Variants in TRAP1 observed in about 807,000 individuals in gnomAD.
TRAP1 encodes the protein TNF receptor associated protein 1.
Under a neutral mutation model 89.1 loss-of-function variants are expected in TRAP1, and 102 were observed. The ratio of observed to expected loss-of-function variants is 1.15; its 90% CI spans 0.98 to 1.35. TRAP1 has a LOEUF of 1.35. Among genes scored for constraint, TRAP1 ranks in the 40% most tolerant of loss-of-function variants. TRAP1 has a pLI of 0.00. For missense variants in TRAP1, 1,256 were observed against 945.3 expected (o/e 1.33, Z -4.31); for synonymous variants, 508 against 388.0 (o/e 1.31, Z -3.64).
chr16:3,708,808 T>C (rs1036523215), intron 1 of TRAP1, among the ~76,000 whole-genome samples: 3 of 146,816 alleles, frequency 2.0e-5, no homozygotes, highest in African/African-American at 7.5e-5. Flanking sequence ...AGAGTCAGAC[T>C]CTGTCTCAAT....
intron 8 of TRAP1, chr16:3,674,994 G>A (rs1167534240): frequency 5.6e-6 from 2 of 356,502 alleles, no homozygotes; most frequent in East Asian, 5.8e-5. Flanking sequence ...TTTTTGGGGT[G>A]ATGGGATGTT....
chr16:3,661,736 A>G, intron 16 of TRAP1: 2 of 410,076 alleles, frequency 4.9e-6, no homozygotes, highest in African/African-American at 4.1e-5. Flanking sequence ...CAAAGCCATA[A>G]AGCAAAACGA....
chr16:3,677,762 A>C, intron 5 of TRAP1, 104 bp from the exon 6 acceptor site: 1 of 1,346,642 alleles, frequency 7.4e-7, no homozygotes, highest in Non-Finnish European at 1.0e-6. Flanking sequence ...CTTCATCCTG[A>C]AAACAGCCAC....
intron 3 of TRAP1, 134 bp downstream of exon 3, chr16:3,688,921 A>G: frequency 1.4e-6 from 1 of 709,586 alleles, no homozygotes; most frequent in Non-Finnish European, 2.2e-6. Context: ...TGGTAGCTTA[A>G]GATGAGGACC....
intron 11 of TRAP1, among the ~76,000 whole-genome samples, chr16:3,666,859 T>A (rs1442815242): frequency 6.6e-6 from 1 of 152,240 alleles, no homozygotes; most frequent in Non-Finnish European, 1.5e-5. Flanking sequence ...GGCCTAAAAT[T>A]AGGAACAACT....
intron 11 of TRAP1, among the ~76,000 whole-genome samples, chr16:3,671,059 G>A (rs1440301116): frequency 6.6e-6 from 1 of 152,128 alleles, no homozygotes; most frequent in East Asian, 1.9e-4. Context: ...CTGCAGGCAC[G>A]TTGGGGGCTC....
chr16:3,663,532 G>A lies in TRAP1; in HGVS notation c.1600C>T (p.Leu534Phe). 1 of 1,614,110 alleles carries A rather than the reference G, an allele frequency of 6.2e-7. No homozygotes were observed. Among genetic ancestry groups the A allele is most frequent in the South Asian group, 1.1e-5 (1 of 91,084 alleles). Residue 534 changes from leucine to phenylalanine, a missense_variant, in exon 14 of 18, where the codon CTC becomes TTC. Transcript: ENST00000246957. ...AACTCACGAAGGTGCAGCAGGGTGA[G>A]CTCATCAAACTGCTCAAAGCAGAAG... ...VLFCFEQFDE[L>F]TLLHLREFDK...
At chr16:3,679,819 G>A (rs1454503574) in intron 4 of TRAP1, 29 bp from the exon 5 acceptor site, 18 of 1,612,350 alleles carry the variant, frequency 1.1e-5, no homozygotes, top group Non-Finnish European at 1.5e-5. Flanking sequence ...TAAGTGCCAA[G>A]CCCCCAGCAC....
intron 4 of TRAP1, among the ~76,000 whole-genome samples, chr16:3,680,581 G>A (rs2051062026): frequency 6.6e-6 from 1 of 152,246 alleles, no homozygotes; most frequent in African/African-American, 2.4e-5. Context: ...GGGCACAGAC[G>A]CCTCTCCTGC....
At position 3,664,369 on chromosome 16, in the gene TRAP1, C is replaced by A. The variant is rs777291656; in HGVS notation, c.1474G>T (p.Ala492Ser). The A allele has an allele frequency of 6.2e-7, 1 of 1,612,936 alleles. No individual in the cohort carries two copies. Among genetic ancestry groups the A allele is most frequent in the Admixed American group, 1.7e-5 (1 of 59,830 alleles). ...AGGTAGTAGATGTTGCGGGTGCCGG[C>A]CCGCATGCGGCTGGCGTATTCTGAG... ...SLSEYASRMR[A>S]GTRNIYYLCA... Residue 492 changes from alanine to serine, a missense_variant, in exon 13 of 18, where the codon GCC becomes TCC. Coordinates refer to ENST00000246957, the MANE Select transcript of TRAP1 (RefSeq NM_016292.3).
At chr16:3,680,351 A>C (rs2051058804) in intron 4 of TRAP1, among the ~76,000 whole-genome samples, 1 of 152,238 alleles carries the variant, frequency 6.6e-6, no homozygotes, top group South Asian at 2.1e-4. Context: ...CCATTCCGAA[A>C]AGAAAATATT....
intron 1 of TRAP1, among the ~76,000 whole-genome samples, chr16:3,692,484 C>A (rs2051227633): frequency 6.7e-6 from 1 of 148,494 alleles, no homozygotes; most frequent in African/African-American, 2.5e-5. Flanking sequence ...TGCAGTGAGC[C>A]GAGATCGTGC....
At chr16:3,683,589 C>G (rs1343996451) in intron 4 of TRAP1, among the ~76,000 whole-genome samples, 1 of 151,476 alleles carries the variant, frequency 6.6e-6, no homozygotes, top group East Asian at 2.0e-4. Context: ...TTTCACCGTG[C>G]TGGCCAGGCT....
intron 11 of TRAP1, among the ~76,000 whole-genome samples, chr16:3,669,828 GTC>G (rs1437334996): frequency 1.4e-5 from 1 of 69,698 alleles, no homozygotes; most frequent in Non-Finnish European, 2.3e-5. Context: ...CCAAGACTCC[GTC>G]TCAAAAAAAA....
intron 2 of TRAP1, 111 bp from the exon 3 acceptor site, chr16:3,689,248 T>G (rs1700429404): frequency 1.1e-6 from 1 of 903,792 alleles, no homozygotes; most frequent in African/African-American, 1.7e-5. Context: ...TAAACTTTTT[T>G]TTTTTTTTTT....
chr16:3,694,084 T>C (rs574669419), intron 1 of TRAP1, among the ~76,000 whole-genome samples: 2 of 150,824 alleles, frequency 1.3e-5, no homozygotes, highest in South Asian at 2.1e-4. Flanking sequence ...CCCGCACCTC[T>C]CCCCAGCTTC....
Position 3,662,199 on chromosome 16 carries a change from C to T in TRAP1, c.1795-67G>A. ...ATGTGAGAGGGCTGGCAGGATCTTACCAGGGGTGAAGGTCACCCAGACCAC... is the reference window on the plus strand; with the variant it reads ...ATGTGAGAGGGCTGGCAGGATCTTATCAGGGGTGAAGGTCACCCAGACCAC... On this transcript the variant is annotated intron_variant, in intron 15 of 17. Transcript: ENST00000246957. The T allele has an allele frequency of 7.1e-6, 11 of 1,559,434 alleles. No homozygotes were observed. In the South Asian group the frequency reaches 1.3e-4, roughly 19 times the overall value.
intron 6 of TRAP1, 182 bp from the exon 7 acceptor site, chr16:3,676,327 G>A (rs745868163): frequency 3.2e-6 from 1 of 309,698 alleles, no homozygotes; most frequent in Non-Finnish European, 5.8e-6. Flanking sequence ...CAGGAACGAT[G>A]AGCCTGTCGC....
At chr16:3,715,528 T>C (rs180974787) in intron 1 of TRAP1, among the ~76,000 whole-genome samples, 50 of 152,184 alleles carry the variant, frequency 3.3e-4, no homozygotes, top group Admixed American at 8.5e-4. Context: ...GAAGGGACAG[T>C]GCATGATACA....
Sources: gnomAD v4.1 joint callset for allele counts (sites outside exome capture counted in the v4.1 genomes callset) on GRCh38, gnomAD v4.1.1 for gene constraint, MANE v1.5 for transcripts, NCBI Gene and HGNC (gene_info 2026-07-23, HGNC 2026-07-21) for gene names.